CYP11B1: variants seen among roughly 807,000 people sequenced by gnomAD.
CYP11B1 encodes the protein cytochrome P450 11B1, mitochondrial.
CYP11B1 carries 34 observed loss-of-function variants against 48.3 expected under a neutral mutation model. The ratio of observed to expected loss-of-function variants is 0.70; its 90% CI spans 0.54 to 0.94. The LOEUF (loss-of-function observed/expected upper bound fraction) is 0.94. CYP11B1 is among the 40% of genes least tolerant of loss of function. CYP11B1 has a pLI of 0.00. For synonymous variants in CYP11B1, 291 were observed against 262.5 expected (o/e 1.11, Z -1.05); for missense variants, 688 against 657.4 (o/e 1.05, Z -0.51).
intron 3 of CYP11B1, 52 bp from the exon 4 acceptor site, chr8:142,876,937 G>C (rs764377832): frequency 6.2e-7 from 1 of 1,613,122 alleles, no homozygotes; most frequent in Non-Finnish European, 8.5e-7. Context: ...CCTCCTGGCT[G>C]CCTCCCCACA....
intron 2 of CYP11B1, 139 bp from the exon 3 acceptor site, chr8:142,877,361 G>A (rs1816994346): frequency 1.1e-6 from 1 of 913,846 alleles, no homozygotes; most frequent in Non-Finnish European, 1.7e-6. Context: ...GCCTGTTTGT[G>A]TTCGAGCTGC....
chr8:142,875,631 A>C (rs1158259231), intron 6 of CYP11B1, 81 bp downstream of exon 6: 1 of 1,526,976 alleles, frequency 6.5e-7, no homozygotes, highest in Non-Finnish European at 9.0e-7. Context: ...TATCAGCCCC[A>C]GATTCTGTCT....
rs1816844093 is a variant in CYP11B1, at chr8:142,873,170, G to T, written c.*1203C>A. 6.6e-6 allele frequency: 1 copy of T among 152,266 alleles called. No homozygotes were observed. The highest frequency in any genetic ancestry group is 2.4e-5 in the African/African-American group (1 of 41,452). The allele number at this position is 152,266 out of a possible 1,614,324, so 9.4% of individuals were successfully genotyped here. On this transcript the variant is annotated 3_prime_UTR_variant, in exon 9 of 9. Transcript: ENST00000292427. ...AGGCTGAGTCCTGCAGGGCGTCCTG[G>T]ATCTACTGACCACCACTGGAATGAT...
chr8:142,876,521 GC>G (rs1257141328), intron 4 of CYP11B1, 126 bp from the exon 5 acceptor site: 46 of 1,542,422 alleles, frequency 3.0e-5, no homozygotes, highest in Non-Finnish European at 3.9e-5. Flanking sequence ...CTCCGGATCA[GC>G]CCAGCCCAGC....
Position 142,873,347 on chromosome 8 carries a change from C to T in CYP11B1, c.*1026G>A, listed in dbSNP as rs1816846795. 6.6e-6 allele frequency: 1 copy of T among 152,292 alleles called. No homozygotes were observed. Among genetic ancestry groups the T allele is most frequent in the Non-Finnish European group, 1.5e-5 (1 of 68,080 alleles). The allele number at this position is 152,292 out of a possible 1,614,324, so 9.4% of individuals were successfully genotyped here. A position where few individuals can be genotyped will look rare whatever the true frequency, so the allele number is the denominator to read the frequency against. ...CTCTCAAACTGGGTGCTTCCTCTCC[C>T]TGCACGGGAGCACTGGGGAGTGGCC... On this transcript the variant is annotated 3_prime_UTR_variant, in exon 9 of 9. Coordinates refer to ENST00000292427, the MANE Select transcript of CYP11B1 (RefSeq NM_000497.4).
intron 1 of CYP11B1, 150 bp from the exon 2 acceptor site, chr8:142,879,337 C>A: frequency 6.2e-7 from 1 of 1,606,412 alleles, no homozygotes; most frequent in African/African-American, 1.3e-5. Context: ...CTGCCCGGAA[C>A]CTCTTAACTT....
At chr8:142,876,990 C>A in intron 3 of CYP11B1, 33 bp downstream of exon 3, 2 of 1,612,772 alleles carry the variant, frequency 1.2e-6, no homozygotes, top group Non-Finnish European at 1.7e-6. Context: ...ACTCCAGGGT[C>A]TCTGAGGCTG....
rs1436091920 is a variant in CYP11B1, at chr8:142,872,599, T to G, written c.*1774A>C. The G allele has an allele frequency of 6.6e-6, 1 of 152,252 alleles. No homozygotes were observed. The highest frequency in any genetic ancestry group is 1.9e-4 in the East Asian group (1 of 5,202). The allele number at this position is 152,252 out of a possible 1,614,324, so 9.4% of individuals were successfully genotyped here. On this transcript the variant is annotated 3_prime_UTR_variant, in exon 9 of 9. Coordinates refer to ENST00000292427, the MANE Select transcript of CYP11B1 (RefSeq NM_000497.4). ...ACCCATGTTTGACTCAGATAACATT[T>G]AAATCACACTTTGGACTACAATTTT...
intron 2 of CYP11B1, 87 bp downstream of exon 2, chr8:142,878,945 C>A: frequency 1.3e-6 from 2 of 1,559,412 alleles, no homozygotes; most frequent in Admixed American, 1.9e-5. Flanking sequence ...GGGCCCAGGG[C>A]AGATGTGCTT....
Position 142,879,327 on chromosome 8 carries a change from C to A in CYP11B1, c.240-140G>T, listed in dbSNP as rs547256895. 16 of 1,605,784 alleles carry A rather than the reference C, an allele frequency of 1.0e-5. No homozygotes were observed. The East Asian group carries it at 3.3e-4, about 34-fold the overall frequency. On this transcript the variant is annotated intron_variant, in intron 1 of 8. Coordinates refer to ENST00000292427, the MANE Select transcript of CYP11B1 (RefSeq NM_000497.4). ...TTCACAGCTAAAGCCCTCTTGCTGA[C>A]TGCCCGGAACCTCTTAACTTCAGTG... is the stretch of plus-strand genomic sequence containing the variant.
Position 142,877,172 on chromosome 8 carries a change from A to G in CYP11B1, c.446T>C (p.Leu149Pro), listed in dbSNP as rs1554653200. ...FNRLRLNPEV[L>P]SPNAVQRFLP... ...GAACCTCTGCACAGCGTTGGGCGAC[A>G]GCACTTCTGGATTCAGCCGCAATCG... Residue 149 changes from leucine (L) to proline (P), a missense_variant, in exon 3 of 9, where the codon CTG becomes CCG. Transcript: ENST00000292427. 1.2e-6 allele frequency: 2 copies of G among 1,614,210 alleles called. No individual in the cohort carries two copies. The highest frequency in any genetic ancestry group is 1.7e-6 in the Non-Finnish European group (2 of 1,180,024).
chr8:142,874,968 G>A lies in CYP11B1; in HGVS notation c.1387C>T (p.Leu463=). 1 of 1,613,642 alleles carries A rather than the reference G, an allele frequency of 6.2e-7. No homozygotes were observed. The part of the protein sequence containing the change: ...RRLAEAEMLL[L]LHHVLKHLQV... ...CCGGGCCTGCTCACATGGTGCAGCAGCAGCAGCATCTCTGCCTCTGCCAGG... is the reference window on the plus strand; with the variant it reads ...CCGGGCCTGCTCACATGGTGCAGCAACAGCAGCATCTCTGCCTCTGCCAGG... The change falls in exon 8 of 9, where the codon CTG becomes TTG. Residue 463 remains leucine, a synonymous_variant. Transcript: ENST00000292427.
chr8:142,879,120 C>G lies in CYP11B1; in HGVS notation c.307G>C (p.Val103Leu). 1 of 1,614,208 alleles carries G rather than the reference C, an allele frequency of 6.2e-7. No individual in the cohort carries two copies. The highest frequency in any genetic ancestry group is 8.5e-7 in the Non-Finnish European group (1 of 1,180,040). Residue 103 changes from valine (V) to leucine (L), a missense_variant, in exon 2 of 9, where the codon GTG (valine) becomes CTG (leucine). Transcript: ENST00000292427. ...ATCCTGTGGGGATGCAGGCTGTCCA[C>G]CTGTTGCAGCTTCTCCACGTCCTCC... ...LPEDVEKLQQ[V>L]DSLHPHRMSL...
In CYP11B1 at chr8:142,876,351, G is replaced by T; in HGVS notation, c.844C>A (p.Arg282Ser). The T allele has an allele frequency of 6.2e-7, 1 of 1,614,182 alleles. No individual in the cohort carries two copies. The highest frequency in any genetic ancestry group is 8.5e-7 in the Non-Finnish European group (1 of 1,180,012). ...QKIYQELAFS[R>S]PQQYTSIVAE... is the part of the protein sequence containing the mutation. ...ACGATGCTGGTGTACTGTTGAGGGC[G>T]GCTGAAGGCCAGTTCCTGATAGATT... The change falls in exon 5 of 9, where the codon CGC becomes AGC. Residue 282 changes from arginine to serine, a missense_variant. Transcript: ENST00000292427.
In CYP11B1 at chr8:142,875,792, G is replaced by A. The variant is rs770705354; in HGVS notation, c.1041C>T (p.Ala347=). ...GGGGATGTTCACTGATGCTGGCTGC[G>A]GCGGCCAGGCTCTCCTGGCGCAGGG... ...QQALRQESLA[A]AASISEHPQK... is the part of the protein sequence containing the mutation. The change falls in exon 6 of 9, where the codon GCC becomes GCT. Residue 347 remains alanine, a synonymous_variant. Transcript: ENST00000292427. 1.9e-5 allele frequency: 30 copies of A among 1,613,970 alleles called. No homozygotes were observed. The highest frequency in any genetic ancestry group is 3.3e-4 in the Middle Eastern group (2 of 6,082).
In CYP11B1 at chr8:142,875,862, A is replaced by G. The variant is rs769359769; in HGVS notation, c.971T>C (p.Leu324Pro). 1 of 1,614,024 alleles carries G rather than the reference A, an allele frequency of 6.2e-7. No individual in the cohort carries two copies. The highest frequency in any genetic ancestry group is 1.3e-5 in the African/African-American group (1 of 74,912). Reference sequence around the variant, plus strand: ...CCGAGCCAGCTCAAAGAGCGTCATCAGCAAGGGAAACACCGTCTGCAGGAG... The same window carrying G: ...CCGAGCCAGCTCAAAGAGCGTCATCGGCAAGGGAAACACCGTCTGCAGGAG... The part of the protein sequence containing the change: ...GSVDTTVFPL[L>P]MTLFELARNP... Residue 324 changes from leucine to proline, a missense_variant, in exon 6 of 9, where the codon CTG becomes CCG. Leu to Pro is a moderately conservative substitution (Grantham distance 98, BLOSUM62 -3). Coordinates refer to ENST00000292427, the MANE Select transcript of CYP11B1 (RefSeq NM_000497.4).
In CYP11B1 at chr8:142,874,997, C is replaced by T. The variant is rs1447069098; in HGVS notation, c.1358G>A (p.Arg453Gln). 6 of 1,614,178 alleles carry T rather than the reference C, an allele frequency of 3.7e-6. No homozygotes were observed. Among genetic ancestry groups the T allele is most frequent in the African/African-American group, 2.7e-5 (2 of 75,074 alleles). Residue 453 changes from arginine to glutamine, a missense_variant, in exon 8 of 9, where the codon CGG (arginine) becomes CAG (glutamine). By Grantham distance (43) the Arg-to-Gln change is conservative. Coordinates refer to ENST00000292427, the MANE Select transcript of CYP11B1 (RefSeq NM_000497.4). The stretch of plus-strand genomic sequence containing the variant: ...CAGCATCTCTGCCTCTGCCAGGCGC[C>T]GCCCAAGGCACTGGCGCATGCCAAA... ...FGFGMRQCLG[R>Q]RLAEAEMLLL...
rs1424850659 is a variant in CYP11B1, at chr8:142,873,084, A to G, written c.*1289T>C. Reference sequence around the variant, plus strand: ...CGTTTTCTTAGAGCATCCTGAATAGATTAACACAAATAACTCTAGCTAGGT... The same window carrying G: ...CGTTTTCTTAGAGCATCCTGAATAGGTTAACACAAATAACTCTAGCTAGGT... On this transcript the variant is annotated 3_prime_UTR_variant, in exon 9 of 9. Transcript: ENST00000292427. The G allele has an allele frequency of 6.6e-6, 1 of 152,228 alleles. No individual in the cohort carries two copies. Among genetic ancestry groups the G allele is most frequent in the African/African-American group, 2.4e-5 (1 of 41,458 alleles). The allele number at this position is 152,228 out of a possible 1,614,324, so 9.4% of individuals were successfully genotyped here. A position where few individuals can be genotyped will look rare whatever the true frequency, so the allele number is the denominator to read the frequency against.
rs377100267 is a variant in CYP11B1 at position 142,875,064 on chromosome 8, T to G, written c.1291A>C (p.Ile431Leu). Residue 431 changes from isoleucine (I) to leucine (L), a missense_variant, in exon 8 of 9, where the codon ATC becomes CTC. Physicochemically the swap from Ile to Leu is conservative, Grantham distance 5. Coordinates refer to ENST00000292427, the MANE Select transcript of CYP11B1 (RefSeq NM_000497.4). Reference protein sequence around the residue: ...ERYNPQRWLDIRGSGRNFYHV... With the variant: ...ERYNPQRWLDLRGSGRNFYHV... ...TAGAAGTTCCTGCCGGAGCCCCTGATGTCTAGCCAGCGCTGGGGGTTATAG... is the reference window on the plus strand; with the variant it reads ...TAGAAGTTCCTGCCGGAGCCCCTGAGGTCTAGCCAGCGCTGGGGGTTATAG... 6.2e-7 allele frequency: 1 copy of G among 1,614,224 alleles called. No individual in the cohort carries two copies. Among genetic ancestry groups the G allele is most frequent in the South Asian group, 1.1e-5 (1 of 91,078 alleles).
Sources: allele counts gnomAD v4.1 joint callset, GRCh38; gene constraint gnomAD v4.1.1; transcripts MANE v1.5; gene names NCBI Gene and HGNC (gene_info 2026-07-23, HGNC 2026-07-21).